FBRS: variants seen among roughly 807,000 people sequenced by gnomAD.
FBRS encodes fibrosin.
In FBRS, 15 loss-of-function variants were observed where a neutral mutation model predicts 86.1. That is an observed-to-expected ratio of 0.17 (90% CI 0.12 to 0.27). FBRS has a LOEUF of 0.27. Ranked by LOEUF, FBRS falls within the 10% of genes least tolerant of loss-of-function variation. The pLI is 1.00. For missense variants in FBRS, 1,367 were observed against 1,301.6 expected (o/e 1.05, Z -0.77); for synonymous variants, 666 against 575.8 (o/e 1.16, Z -2.24).
At chr16:30,664,177 T>G in intron 6 of FBRS, 38 bp from the exon 7 acceptor site, 1 of 1,255,638 alleles carries the variant, frequency 8.0e-7, no homozygotes, top group Non-Finnish European at 1.0e-6. Context: ...AGCTGGCACC[T>G]CCCAACCCCT....
In FBRS at chr16:30,664,805, C is replaced by T. The variant is rs1195305667; in HGVS notation, c.1448C>T (p.Pro483Leu). 1.3e-6 allele frequency: 2 copies of T among 1,557,384 alleles called. No homozygotes were observed. The highest frequency in any genetic ancestry group is 1.7e-6 in the Non-Finnish European group (2 of 1,150,348). Residue 483 changes from proline (P) to leucine (L), a missense_variant, in exon 8 of 18, where the codon CCC (proline) becomes CTC (leucine). Physicochemically the swap from Pro to Leu is moderately conservative, Grantham distance 98. This residue lies in a region of FBRS where 702 missense variants were observed against 598.7 expected (regional missense o/e 1.17). Transcript: ENST00000356166. ...EVVGAGGSAR[P>L]LAFQFHQHNH... ...GTGGGGGCAGGGGGCTCGGCCCGGC[C>T]CCTGGCCTTCCAGTTCCACCAGCAC...
chr16:30,665,124 G>C lies in FBRS; in HGVS notation c.1608+45G>C. 6.3e-7 allele frequency: 1 copy of C among 1,595,722 alleles called. No homozygotes were observed. The highest frequency in any genetic ancestry group is 8.5e-7 in the Non-Finnish European group (1 of 1,171,428). On this transcript the variant is annotated intron_variant, in intron 9 of 17. Coordinates refer to ENST00000356166, the MANE Select transcript of FBRS (RefSeq NM_001105079.3). The surrounding 1 kb of genome is among the most constrained non-coding windows in gnomAD (Gnocchi z 4.1). ...TGCGTATGGGGTGTGTGGTGTGGGC[G>C]TGGATGCATCCATGCTTGTGACCCT...
chr16:30,660,316 T>A lies in FBRS; in HGVS notation c.513T>A (p.Ser171=), dbSNP rs972579734. The A allele has an allele frequency of 2.3e-6, 3 of 1,299,996 alleles. No homozygotes were observed. Among genetic ancestry groups the A allele is most frequent in the Non-Finnish European group, 2.0e-6 (2 of 1,015,232 alleles). 80.5% of individuals were successfully genotyped at this position (1,299,996 alleles called of 1,614,324 possible). The change falls in exon 2 of 18, where the codon TCT becomes TCA. Residue 171 remains serine, a synonymous_variant. Transcript: ENST00000356166. The part of the protein sequence containing the change: ...PERLEHRLKH[S]GKRKRGGSSG... ...GACTGGAACATCGGCTGAAGCATTC[T>A]GGGAAGCGGAAAAGGGGGGGCTCCA...
In FBRS at chr16:30,666,533, C is replaced by T; in HGVS notation, c.1795C>T (p.Pro599Ser). Residue 599 changes from proline to serine, a missense_variant, in exon 12 of 18, where the codon CCT becomes TCT. Pro to Ser is a moderately conservative substitution (Grantham distance 74). Around this residue, in one of 3 missense-constraint regions of FBRS, gnomAD observed 659 missense variants for 678.8 expected, o/e 0.97. Transcript: ENST00000356166. ...CCAGATCCCCGACCATTTCCGGCCA[C>T]CTTTGAGGGTGAGTTGTGTGAGGAC... ...GTQIPDHFRPPLRKPGKWCAM... is the reference protein window; with the variant it reads ...GTQIPDHFRPSLRKPGKWCAM... 4 of 1,614,012 alleles carry T rather than the reference C, an allele frequency of 2.5e-6. No individual in the cohort carries two copies. The highest frequency in any genetic ancestry group is 3.4e-6 in the Non-Finnish European group (4 of 1,179,902).
rs1296174905 is a variant in FBRS, at chr16:30,661,292, C to T, written c.676-12C>T. The T allele has an allele frequency of 7.4e-5, 114 of 1,550,670 alleles. No homozygotes were observed. Among genetic ancestry groups the T allele is most frequent in the Non-Finnish European group, 9.1e-5 (104 of 1,147,054 alleles). ...TCCCTCTCGTGACACCTCTGTCTTT[C>T]CTTCTCCCCAGTGTGACGCGGAAAG... On this transcript the variant is annotated splice_polypyrimidine_tract_variant and intron_variant, in intron 3 of 17. Transcript: ENST00000356166.
Position 30,662,609 on chromosome 16 carries a change from G to A in FBRS, c.805G>A (p.Val269Met), listed in dbSNP as rs951378895. 6 of 1,542,230 alleles carry A rather than the reference G, an allele frequency of 3.9e-6. No homozygotes were observed. The highest frequency in any genetic ancestry group is 1.2e-5 in the South Asian group (1 of 83,562). ...FNGNCEAKLS[V>M]VPKVSGLERS... ...TGGGAACTGTGAAGCAAAACTCTCC[G>A]TGGTCCCTAAAGTGTCGGGCCTGGA... The change falls in exon 6 of 18, where the codon GTG (valine) becomes ATG (methionine). Residue 269 changes from valine (V) to methionine (M), a missense_variant. Physicochemically the swap from Val to Met is conservative, Grantham distance 21. This residue lies in a region of FBRS where 702 missense variants were observed against 598.7 expected (regional missense o/e 1.17). Transcript: ENST00000356166.
intron 15 of FBRS, 139 bp downstream of exon 15, chr16:30,667,761 C>G (rs2052540786): frequency 1.5e-6 from 1 of 670,286 alleles, no homozygotes; most frequent in African/African-American, 1.9e-5. Context: ...TTACTCTACC[C>G]CCTCTGAGCC....
At chr16:30,667,269 G>A in intron 13 of FBRS, 51 bp from the exon 14 acceptor site, 1 of 1,387,794 alleles carries the variant, frequency 7.2e-7, no homozygotes, top group Non-Finnish European at 9.8e-7. Context: ...GAGCAAGAGG[G>A]GGACCAGACT....
Position 30,669,257 on chromosome 16 carries a change from C to T in FBRS, c.2555C>T (p.Pro852Leu). The stretch of plus-strand genomic sequence containing the variant: ...GCCGCCGCCGCAGCAGCCACTGGGC[C>T]CCAGGGCCTTCACCTGCTGTTTGAG... ...AAAAAAAATG[P>L]QGLHLLFERP... Residue 852 changes from proline to leucine, a missense_variant, in exon 18 of 18, where the codon CCC (proline) becomes CTC (leucine). Pro to Leu is a moderately conservative substitution (Grantham distance 98, BLOSUM62 -3). Transcript: ENST00000356166. This position sits in a 1 kb window ranked among gnomAD's most constrained non-coding sequence, Gnocchi z 5.9. 1 of 1,560,022 alleles carries T rather than the reference C, an allele frequency of 6.4e-7. No individual in the cohort carries two copies. Among genetic ancestry groups the T allele is most frequent in the Non-Finnish European group, 8.7e-7 (1 of 1,152,762 alleles).
chr16:30,669,656 G>T lies in FBRS; in HGVS notation c.*11G>T, dbSNP rs770484615. ...CGGGCTGACAGGTGAGGGGAACGGGGGGGGGTCGGGGCAAAGCTCCATCTC... is the reference window on the plus strand; with the variant it reads ...CGGGCTGACAGGTGAGGGGAACGGGTGGGGGTCGGGGCAAAGCTCCATCTC... On this transcript the variant is annotated 3_prime_UTR_variant, in exon 18 of 18. Coordinates refer to ENST00000356166, the MANE Select transcript of FBRS (RefSeq NM_001105079.3). This position sits in a 1 kb window ranked among gnomAD's most constrained non-coding sequence, Gnocchi z 5.9. 6.1e-5 allele frequency: 97 copies of T among 1,579,980 alleles called. No homozygotes were observed. Among genetic ancestry groups the T allele is most frequent in the South Asian group, 1.0e-4 (9 of 89,152 alleles).
At position 30,664,890 on chromosome 16, in the gene FBRS, G is replaced by T; in HGVS notation, c.1533G>T (p.Pro511=). ...HTHQHFTPYP[P]GLLPPHGPHM... The stretch of plus-strand genomic sequence containing the variant: ...ACCAGCACTTCACCCCTTATCCCCC[G>T]GGCCTGCTGCCACCCCACGGCCCCC... Residue 511 remains proline, a synonymous_variant, in exon 8 of 18, where the codon CCG becomes CCT. Coordinates refer to ENST00000356166, the MANE Select transcript of FBRS (RefSeq NM_001105079.3). 6.2e-7 allele frequency: 1 copy of T among 1,609,936 alleles called. No homozygotes were observed. The highest frequency in any genetic ancestry group is 2.2e-5 in the East Asian group (1 of 44,656).
In FBRS at chr16:30,659,901, A is replaced by G; in HGVS notation, c.383A>G (p.Glu128Gly). ...ADDGEAEEEP[E>G]EEEEEEEDLI... ...GACGGCGAAGCCGAGGAGGAGCCTG[A>G]GGAGGAGGAAGAGGAGGAGGAGGAC... The change falls in exon 1 of 18, where the codon GAG becomes GGG. Residue 128 changes from glutamate (E) to glycine (G), a missense_variant. This residue lies in a region of FBRS where 702 missense variants were observed against 598.7 expected (regional missense o/e 1.17). Transcript: ENST00000356166. 6.4e-7 allele frequency: 1 copy of G among 1,550,916 alleles called. No individual in the cohort carries two copies. Among genetic ancestry groups the G allele is most frequent in the South Asian group, 1.2e-5 (1 of 84,096 alleles).
At position 30,668,824 on chromosome 16, in the gene FBRS, C is replaced by A. The variant is rs770598435; in HGVS notation, c.2211C>A (p.Phe737Leu). ...AAAGCCCAGGGGCCCCACCAGCCTT[C>A]GCCTCCCCACCGGACCCATGGGGCC... ...QKESPGAPPA[F>L]ASPPDPWGRL... The change falls in exon 17 of 18, where the codon TTC becomes TTA. Residue 737 changes from phenylalanine to leucine, a missense_variant. By Grantham distance (22) the Phe-to-Leu change is conservative. Transcript: ENST00000356166. The A allele has an allele frequency of 6.3e-7, 1 of 1,597,282 alleles. No individual in the cohort carries two copies.
intron 11 of FBRS, chr16:30,666,211 G>A (rs751833899): frequency 2.3e-5 from 13 of 564,144 alleles, no homozygotes; most frequent in African/African-American, 7.5e-5. Context: ...TAAACAGACC[G>A]CTATACTCTA....
intron 2 of FBRS, 182 bp downstream of exon 2, chr16:30,660,624 C>A: frequency 1.0e-6 from 1 of 991,486 alleles, no homozygotes; most frequent in Non-Finnish European, 1.3e-6. Flanking sequence ...GTCAGGTGCA[C>A]CTCCTTTTGC....
intron 2 of FBRS, 163 bp downstream of exon 2, chr16:30,660,605 C>T (rs897568539): frequency 8.6e-7 from 1 of 1,166,116 alleles, no homozygotes. Flanking sequence ...TGACGAAGGC[C>T]TGTCTACAGT....
In FBRS at chr16:30,665,535, C is replaced by A; in HGVS notation, c.1705-103C>A. The A allele has an allele frequency of 6.8e-7, 1 of 1,464,960 alleles. No individual in the cohort carries two copies. The allele number at this position is 1,464,960 out of a possible 1,614,324, so 90.7% of individuals were successfully genotyped here. On this transcript the variant is annotated intron_variant, in intron 10 of 17. Coordinates refer to ENST00000356166, the MANE Select transcript of FBRS (RefSeq NM_001105079.3). This position sits in a 1 kb window ranked among gnomAD's most constrained non-coding sequence, Gnocchi z 4.1. The stretch of plus-strand genomic sequence containing the variant: ...CCTGCCCTGCTGCACCCAGTTTTCT[C>A]CAAAGCCATGATCCCTCCCTGCCCA...
At position 30,669,515 on chromosome 16, in the gene FBRS, C is replaced by G; in HGVS notation, c.2813C>G (p.Ala938Gly). Residue 938 changes from alanine to glycine, a missense_variant, in exon 18 of 18, where the codon GCC (alanine) becomes GGC (glycine). Around this residue, in one of 3 missense-constraint regions of FBRS, gnomAD observed 659 missense variants for 678.8 expected, o/e 0.97. Transcript: ENST00000356166. This position sits in a 1 kb window ranked among gnomAD's most constrained non-coding sequence, Gnocchi z 5.9. ...RLAPPPPPAA[A>G]PGTPHLLSKT... Reference sequence around the variant, plus strand: ...GCTCCTCCACCACCACCTGCTGCGGCCCCGGGAACCCCTCACCTTCTCAGC... The same window carrying G: ...GCTCCTCCACCACCACCTGCTGCGGGCCCGGGAACCCCTCACCTTCTCAGC... 6.2e-7 allele frequency: 1 copy of G among 1,613,122 alleles called. No individual in the cohort carries two copies. Among genetic ancestry groups the G allele is most frequent in the Non-Finnish European group, 8.5e-7 (1 of 1,179,800 alleles).
rs766091470 is a variant in FBRS at position 30,669,295 on chromosome 16, C to T, written c.2593C>T (p.Pro865Ser). 2 of 1,592,396 alleles carry T rather than the reference C, an allele frequency of 1.3e-6. No individual in the cohort carries two copies. Among genetic ancestry groups the T allele is most frequent in the South Asian group, 1.1e-5 (1 of 89,432 alleles). ...CCTGCTGTTTGAGAGGCCCCGGCCG[C>T]CCCCGTTTCTGGGCCCTAGCCCACC... ...LHLLFERPRP[P>S]PFLGPSPPDR... is the part of the protein sequence containing the mutation. The change falls in exon 18 of 18, where the codon CCC becomes TCC. Residue 865 changes from proline (P) to serine (S), a missense_variant. Pro to Ser is a moderately conservative substitution (Grantham distance 74). Transcript: ENST00000356166. This position sits in a 1 kb window ranked among gnomAD's most constrained non-coding sequence, Gnocchi z 5.9.
Sources: gnomAD v4.1 joint callset for allele counts on GRCh38, gnomAD v4.1.1 for gene constraint, gnomAD v4.1.1 regional missense constraint, Gnocchi (gnomAD v3.1) non-coding constraint, MANE v1.5 for transcripts, NCBI Gene and HGNC (gene_info 2026-07-23, HGNC 2026-07-21) for gene names.